GRID1: variants seen among roughly 807,000 people sequenced by gnomAD.
GRID1 encodes the protein glutamate ionotropic receptor delta type subunit 1.
Under a neutral mutation model 98.0 loss-of-function variants are expected in GRID1, and 28 were observed. That is an observed-to-expected ratio of 0.29 (90% CI 0.21 to 0.39). The LOEUF is 0.39. Ranked by LOEUF, GRID1 falls within the 10% of genes least tolerant of loss-of-function variation. GRID1 has a pLI of 1.00. For synonymous variants in GRID1, 553 were observed against 538.5 expected, an observed-to-expected ratio of 1.03 and a Z score of -0.37; for missense variants, 1,111 against 1,340.5, an observed-to-expected ratio of 0.83 and a Z score of 2.67.
chr10:85,798,910 A>G (rs573580493), intron 8 of GRID1, among the ~76,000 whole-genome samples: 183 of 152,070 alleles, frequency 1.2e-3, no homozygotes, highest in African/African-American at 3.9e-3. Flanking sequence ...GAGGTCTTAC[A>G]TAAAAAGTTA....
intron 3 of GRID1, among the ~76,000 whole-genome samples, chr10:86,204,755 G>A (rs1398687619): frequency 2.6e-5 from 4 of 152,188 alleles, no homozygotes; most frequent in African/African-American, 2.4e-5. Flanking sequence ...CAGAGCAATG[G>A]TGCCCAGAGA....
intron 3 of GRID1, among the ~76,000 whole-genome samples, chr10:86,179,170 C>T (rs1845618973): frequency 6.6e-6 from 1 of 151,394 alleles, no homozygotes; most frequent in Admixed American, 6.6e-5. Context: ...TCCACTGGGG[C>T]CCACAGCACA....
At chr10:85,970,152 GTT>G (rs1842388352) in intron 4 of GRID1, among the ~76,000 whole-genome samples, 1 of 151,968 alleles carries the variant, frequency 6.6e-6, no homozygotes, top group African/African-American at 2.4e-5. Flanking sequence ...CCTATAACAA[GTT>G]AAGAAATTGA....
At chr10:85,984,844 C>A (rs1231113349) in intron 4 of GRID1, among the ~76,000 whole-genome samples, 1 of 151,522 alleles carries the variant, frequency 6.6e-6, no homozygotes, top group African/African-American at 2.4e-5. Flanking sequence ...GGTAGGAGCC[C>A]CAGTGTTGAG....
chr10:85,948,813 T>C (rs1842083166), intron 4 of GRID1, among the ~76,000 whole-genome samples: 1 of 152,256 alleles, frequency 6.6e-6, no homozygotes, highest in South Asian at 2.1e-4. Context: ...TTTCAAATTT[T>C]AATAAAAACA....
rs116077500 is a variant in GRID1, at chr10:85,922,623, G to A, written c.727-6384C>T. 7.0e-3 allele frequency among the ~76,000 whole-genome samples: 1,060 copies of A among 152,288 alleles called. 13 individuals carry two copies. The highest frequency in any genetic ancestry group is 0.025 in the African/African-American group (1,021 of 41,544). ...ATTGAGCTCACGTTAAAGGCCCACC[G>A]CTGCCTTTGCAACAACATGTCATTT... On this transcript the variant is annotated intron_variant, in intron 4 of 15. Transcript: ENST00000327946.
At chr10:85,963,287 C>T (rs1434768252) in intron 4 of GRID1, among the ~76,000 whole-genome samples, 3 of 152,038 alleles carry the variant, frequency 2.0e-5, no homozygotes, top group African/African-American at 7.3e-5. Flanking sequence ...TGAATTATCT[C>T]TTCACTCCAA....
At chr10:86,245,147 C>T (rs904646234) in intron 2 of GRID1, among the ~76,000 whole-genome samples, 1 of 152,262 alleles carries the variant, frequency 6.6e-6, no homozygotes, top group Admixed American at 6.5e-5. Context: ...TGTAGACCAA[C>T]TGGCCTGTGT....
At chr10:86,353,627 G>A (rs1193277356) in intron 2 of GRID1, among the ~76,000 whole-genome samples, 3 of 152,228 alleles carry the variant, frequency 2.0e-5, no homozygotes, top group Non-Finnish European at 2.9e-5. Context: ...TCCCTTCACA[G>A]AGCTGGGCCC....
At chr10:85,827,376 T>C (rs538330288) in intron 8 of GRID1, among the ~76,000 whole-genome samples, 1 of 151,496 alleles carries the variant, frequency 6.6e-6, no homozygotes, top group Non-Finnish European at 1.5e-5. Context: ...GAGGAAAGAA[T>C]CTCAGAGCTC....
intron 2 of GRID1, among the ~76,000 whole-genome samples, chr10:86,302,573 C>T (rs888839752): frequency 1.3e-5 from 2 of 152,078 alleles, no homozygotes; most frequent in African/African-American, 4.8e-5. Context: ...CACACAGCAC[C>T]CCCAATCCTG....
At position 86,197,339 on chromosome 10, in the gene GRID1, A is replaced by G. The variant is rs1330745149; in HGVS notation, c.520+9025T>C. 2.0e-5 allele frequency among the ~76,000 whole-genome samples: 3 copies of G among 152,110 alleles called. 1 individual carries two copies. Among genetic ancestry groups the G allele is most frequent in the Non-Finnish European group, 4.4e-5 (3 of 67,960 alleles). The stretch of plus-strand genomic sequence containing the variant: ...TGCCGGGCACGCTCATGGAGCAGCA[A>G]GGAGCCGGAGCTGGAAGGCAGCAGA... On this transcript the variant is annotated intron_variant, in intron 3 of 15. Transcript: ENST00000327946.
In GRID1 at chr10:86,077,189, A is replaced by T. The variant is rs948846644; in HGVS notation, c.726+61630T>A. 1.0e-4 allele frequency among the ~76,000 whole-genome samples: 14 copies of T among 136,486 alleles called. 1 individual carries two copies. Among genetic ancestry groups the T allele is most frequent in the Non-Finnish European group, 2.1e-4 (13 of 61,002 alleles). 89.5% of individuals were successfully genotyped at this position (136,486 alleles called of 152,430 possible). ...CCCAGGCCTCTCACTGTGGGGTGTCATGCTTAGTGAAGCTTGCTCGTTCCT... is the reference window on the plus strand; with the variant it reads ...CCCAGGCCTCTCACTGTGGGGTGTCTTGCTTAGTGAAGCTTGCTCGTTCCT... On this transcript the variant is annotated intron_variant, in intron 4 of 15. Transcript: ENST00000327946.
At chr10:85,695,830 T>C (rs1276961381) in intron 12 of GRID1, among the ~76,000 whole-genome samples, 1 of 152,150 alleles carries the variant, frequency 6.6e-6, no homozygotes, top group Admixed American at 6.6e-5. Context: ...AAAGAGCATG[T>C]AACCCAAGGA....
chr10:85,783,213 G>A (rs1015918775), intron 8 of GRID1, among the ~76,000 whole-genome samples: 3 of 152,202 alleles, frequency 2.0e-5, no homozygotes, highest in South Asian at 2.1e-4. Context: ...GTGAAGCAAA[G>A]TGGACAACAG....
At chr10:86,324,413 T>C (rs559796100) in intron 2 of GRID1, among the ~76,000 whole-genome samples, 85 of 152,266 alleles carry the variant, frequency 5.6e-4, no homozygotes, top group Non-Finnish European at 9.3e-4. Context: ...GAACCCTTAG[T>C]GGATGGCTCT....
At chr10:85,873,952 G>T (rs913441856) in intron 5 of GRID1, among the ~76,000 whole-genome samples, 3 of 152,188 alleles carry the variant, frequency 2.0e-5, no homozygotes, top group African/African-American at 7.2e-5. Flanking sequence ...GATAGGTGCA[G>T]CTCAGCTCTA....
intron 5 of GRID1, among the ~76,000 whole-genome samples, chr10:85,883,258 G>A (rs1390877064): frequency 1.3e-5 from 2 of 151,962 alleles, no homozygotes; most frequent in Non-Finnish European, 2.9e-5. Flanking sequence ...ATTTTCTGAT[G>A]TTCTGTTCAT....
chr10:86,069,866 T>C (rs1396592544), intron 4 of GRID1, among the ~76,000 whole-genome samples: 1 of 151,912 alleles, frequency 6.6e-6, no homozygotes, highest in African/African-American at 2.4e-5. Flanking sequence ...TCATTCCTGG[T>C]GCAGAAGACC....
Sources: gnomAD v4.1 joint callset for allele counts (sites outside exome capture counted in the v4.1 genomes callset) on GRCh38, gnomAD v4.1.1 for gene constraint, MANE v1.5 for transcripts, NCBI Gene and HGNC (gene_info 2026-07-23, HGNC 2026-07-21) for gene names.